The following SH3BP1 variants were observed in gnomAD, a reference collection of about 807,000 sequenced individuals.
The protein encoded by SH3BP1 is SH3 domain-binding protein 1.
In SH3BP1, 46 loss-of-function variants were observed where a neutral mutation model predicts 69.8. The observed-to-expected ratio is 0.66, with a 90% CI of 0.52 to 0.84. SH3BP1 has a LOEUF of 0.84. Among genes scored for constraint, SH3BP1 ranks in the 40% least tolerant of loss-of-function variants. The probability of loss-of-function intolerance (pLI) is 0.00; values close to 1 mark genes in which losing one functional copy is unlikely to be tolerated. For synonymous variants in SH3BP1, 403 were observed against 378.0 expected, an observed-to-expected ratio of 1.07 and a Z score of -0.77; for missense variants, 868 against 930.9, an observed-to-expected ratio of 0.93 and a Z score of 0.88.
In SH3BP1 at chr22:37,650,529, C is replaced by T; in HGVS notation, c.1415-13C>T. The stretch of plus-strand genomic sequence containing the variant: ...CGGTCTCTGAGAGCCGTCTCCGCTC[C>T]TTCTGTCTCCAGACATCAACTTCAA... On this transcript the variant is annotated splice_polypyrimidine_tract_variant and intron_variant, in intron 15 of 17. Coordinates refer to ENST00000649765, the MANE Select transcript of SH3BP1 (RefSeq NM_018957.6). The T allele has an allele frequency of 1.2e-6, 2 of 1,602,810 alleles. No individual in the cohort carries two copies. Among genetic ancestry groups the T allele is most frequent in the African/African-American group, 1.3e-5 (1 of 74,798 alleles).
Position 37,645,418 on chromosome 22 carries a change from C to T in SH3BP1, c.832C>T (p.Leu278=). 4 of 1,613,932 alleles carry T rather than the reference C, an allele frequency of 2.5e-6. No homozygotes were observed. The highest frequency in any genetic ancestry group is 3.4e-6 in the Non-Finnish European group (4 of 1,179,874). The change falls in exon 10 of 18, where the codon CTG becomes TTG. Residue 278 remains leucine (L), a synonymous_variant. Coordinates refer to ENST00000649765, the MANE Select transcript of SH3BP1 (RefSeq NM_018957.6). ...CTTCCCCAGGGTGTATGGGGTGTCGCTGGCAACCCACCTGCAAGAGCTGGG... is the reference window on the plus strand; with the variant it reads ...CTTCCCCAGGGTGTATGGGGTGTCGTTGGCAACCCACCTGCAAGAGCTGGG... ...THFPRVYGVS[L]ATHLQELGRE... is the part of the protein sequence containing the mutation.
At chr22:37,646,048 CCT>C (rs1241443043) in intron 10 of SH3BP1, among the ~76,000 whole-genome samples, 2 of 150,034 alleles carry the variant, frequency 1.3e-5, no homozygotes, top group African/African-American at 2.5e-5. Context: ...CTCACTGCAG[CCT>C]CTGTCTCCTG....
intron 17 of SH3BP1, among the ~76,000 whole-genome samples, chr22:37,654,188 G>T (rs1932950392): frequency 6.6e-6 from 1 of 152,192 alleles, no homozygotes; most frequent in Non-Finnish European, 1.5e-5. Flanking sequence ...CCACTAAGGG[G>T]GAGCCGGCGT....
intron 1 of SH3BP1, 89 bp downstream of exon 1, chr22:37,639,935 C>A: frequency 1.3e-6 from 1 of 793,594 alleles, no homozygotes; most frequent in Non-Finnish European, 1.9e-6. Flanking sequence ...GTGGGGGAGG[C>A]TGGGGACAGC....
At position 37,655,901 on chromosome 22, in the gene SH3BP1, C is replaced by G; in HGVS notation, c.*217C>G. On this transcript the variant is annotated 3_prime_UTR_variant, in exon 18 of 18. Transcript: ENST00000649765. ...TCCACCCTGGGCTTGGGGACCCCCC[C>G]ACCGGACTCTCCACTCTCCGGCAGG... The G allele has an allele frequency of 6.4e-7, 1 of 1,563,360 alleles. No individual in the cohort carries two copies. Among genetic ancestry groups the G allele is most frequent in the Non-Finnish European group, 8.6e-7 (1 of 1,161,822 alleles).
chr22:37,646,283 G>A (rs1201727004), intron 10 of SH3BP1, among the ~76,000 whole-genome samples: 1 of 147,766 alleles, frequency 6.8e-6, no homozygotes, highest in African/African-American at 2.5e-5. Flanking sequence ...TTTTGAGACA[G>A]GATCTCGCTC....
Position 37,655,924 on chromosome 22 carries a change from A to G in SH3BP1, c.*240A>G. On this transcript the variant is annotated 3_prime_UTR_variant, in exon 18 of 18. Coordinates refer to ENST00000649765, the MANE Select transcript of SH3BP1 (RefSeq NM_018957.6). ...CCCACCGGACTCTCCACTCTCCGGC[A>G]GGTCCTAGGGGAGCCACCGGAAGGA... 1.3e-6 allele frequency: 2 copies of G among 1,568,350 alleles called. No individual in the cohort carries two copies. Among genetic ancestry groups the G allele is most frequent in the East Asian group, 2.3e-5 (1 of 42,590 alleles).
chr22:37,646,202 A>G (rs1017487727), intron 10 of SH3BP1, among the ~76,000 whole-genome samples: 1 of 150,910 alleles, frequency 6.6e-6, no homozygotes, highest in Non-Finnish European at 1.5e-5. Context: ...ACCTCAGGTG[A>G]TCCACCTGCC....
chr22:37,643,510 G>A, intron 6 of SH3BP1, 134 bp from the exon 7 acceptor site: 1 of 1,290,654 alleles, frequency 7.7e-7, no homozygotes, highest in Non-Finnish European at 1.1e-6. Context: ...CCTGGGCAGA[G>A]GCCCCGGCCA....
At chr22:37,644,483 C>T (rs1478182841) in intron 7 of SH3BP1, among the ~76,000 whole-genome samples, 154 bp from the exon 8 acceptor site, 1 of 152,264 alleles carries the variant, frequency 6.6e-6, no homozygotes, top group East Asian at 1.9e-4. Flanking sequence ...GGGCTGGCCC[C>T]AAGCACCAAC....
rs1933000212 is a variant in SH3BP1 at position 37,655,447 on chromosome 22, AC to A, written c.1875del (p.Thr626HisfsTer32). ...GAGCCCCCACAGTGCCACCCCCGTTACCCCCCACACCCCCTCAGCCTGCCCG... is the reference window on the plus strand; with the variant it reads ...GAGCCCCCACAGTGCCACCCCCGTTACCCCCACACCCCCTCAGCCTGCCCG... ...LRAPTVPPPL[P>X]PTPPQPARRQ... is the part of the protein sequence containing the mutation. On this transcript the variant is annotated frameshift_variant, in exon 18 of 18. Coordinates refer to ENST00000649765, the MANE Select transcript of SH3BP1 (RefSeq NM_018957.6). LOFTEE classifies it low-confidence loss of function (END_TRUNC). The A allele has an allele frequency of 2.8e-5, 12 of 425,420 alleles. No individual in the cohort carries two copies. The highest frequency in any genetic ancestry group is 6.4e-5 in the Admixed American group (1 of 15,654). The allele number at this position is 425,420 out of a possible 1,614,324, so 26.4% of individuals were successfully genotyped here. A position where few individuals can be genotyped will look rare whatever the true frequency, so the allele number is the denominator to read the frequency against.
intron 7 of SH3BP1, 64 bp downstream of exon 7, chr22:37,643,852 C>T (rs1569006413): frequency 2.5e-5 from 40 of 1,586,448 alleles, no homozygotes; most frequent in Admixed American, 3.4e-5. Flanking sequence ...GCCCATCTCA[C>T]AGGCAAGGAA....
chr22:37,641,067 T>C, intron 1 of SH3BP1, 59 bp from the exon 2 acceptor site: 1 of 1,219,988 alleles, frequency 8.2e-7, no homozygotes, highest in Non-Finnish European at 1.2e-6. Context: ...TAGGGGGCGT[T>C]CTAACCCAGG....
rs548978864 is a variant in SH3BP1, at chr22:37,643,560, C to T, written c.474-84C>T. ...TCTGCAGCTCTAAATCCTAGAATCC[C>T]ATGTGGTCTGCTGTATGGAGGGGAC... On this transcript the variant is annotated intron_variant, in intron 6 of 17. Coordinates refer to ENST00000649765, the MANE Select transcript of SH3BP1 (RefSeq NM_018957.6). The T allele has an allele frequency of 3.6e-5, 57 of 1,568,444 alleles. No homozygotes were observed. The East Asian group carries it at 1.2e-3, about 32-fold the overall frequency.
At chr22:37,642,406 T>C (rs1342037968) in intron 3 of SH3BP1, 133 bp from the exon 4 acceptor site, 66 of 777,002 alleles carry the variant, frequency 8.5e-5, no homozygotes, top group Middle Eastern at 3.7e-4. Context: ...CGCCTTGTCA[T>C]CTTGTTTCCA....
chr22:37,653,419 G>C (rs1353409711), intron 16 of SH3BP1, among the ~76,000 whole-genome samples: 1 of 152,134 alleles, frequency 6.6e-6, no homozygotes, highest in Non-Finnish European at 1.5e-5. Context: ...CTGGGCGACA[G>C]AGTGAGACTC....
In SH3BP1 at chr22:37,650,639, G is replaced by A; in HGVS notation, c.1512G>A (p.Val504=). 2 of 1,613,854 alleles carry A rather than the reference G, an allele frequency of 1.2e-6. No individual in the cohort carries two copies. Among genetic ancestry groups the A allele is most frequent in the Non-Finnish European group, 1.7e-6 (2 of 1,179,944 alleles). ...CTGAGGAACTTCCGTCCACTGCCGT[G>A]CCCACCCCAGCCACCACCCCGGCTC... is the stretch of plus-strand genomic sequence containing the variant. ...LASEELPSTA[V]PTPATTPAPA... is the part of the protein sequence containing the mutation. Residue 504 remains valine, a synonymous_variant, in exon 16 of 18, where the codon GTG becomes GTA. Coordinates refer to ENST00000649765, the MANE Select transcript of SH3BP1 (RefSeq NM_018957.6).
rs952050966 is a variant in SH3BP1 at position 37,648,446 on chromosome 22, G to A, written c.1316+11G>A. On this transcript the variant is annotated intron_variant, in intron 14 of 17. Transcript: ENST00000649765. ...ACCTGAGAAAGAAGGGTGAGGGGCC[G>A]CGGGCTGGGGGAGGTGGCAGGAGGA... The A allele has an allele frequency of 1.4e-5, 22 of 1,520,884 alleles. No individual in the cohort carries two copies. In the African/African-American group the frequency reaches 1.6e-4, roughly 11 times the overall value. The allele number at this position is 1,520,884 out of a possible 1,614,324, so 94.2% of individuals were successfully genotyped here. A position where few individuals can be genotyped will look rare whatever the true frequency, so the allele number is the denominator to read the frequency against.
chr22:37,641,022 C>G, intron 1 of SH3BP1, 104 bp from the exon 2 acceptor site: 1 of 804,616 alleles, frequency 1.2e-6, no homozygotes, highest in Non-Finnish European at 2.1e-6. Context: ...AGTGGAAGCA[C>G]TGGGGTCCAG....
Sources: gnomAD v4.1 joint callset for allele counts (sites outside exome capture counted in the v4.1 genomes callset) on GRCh38, gnomAD v4.1.1 for gene constraint, MANE v1.5 for transcripts, NCBI Gene and HGNC (gene_info 2026-07-23, HGNC 2026-07-21) for gene names.